The following SORD variants were observed in gnomAD, a reference collection of about 807,000 sequenced individuals.
SORD encodes (R,R)-butanediol dehydrogenase.
Under a neutral mutation model 35.6 loss-of-function variants are expected in SORD, and 18 were observed. The ratio of observed to expected loss-of-function variants is 0.51; its 90% confidence interval spans 0.35 to 0.75. The LOEUF (loss-of-function observed/expected upper bound fraction) is 0.75, where lower values mean the gene tolerates loss of function less well. Ranked by LOEUF, SORD falls within the 30% of genes least tolerant of loss-of-function variation. The pLI is 0.01. For missense variants in SORD, 250 were observed against 390.2 expected, an observed-to-expected ratio of 0.64 and a Z score of 3.03; for synonymous variants, 106 against 152.9, an observed-to-expected ratio of 0.69 and a Z score of 2.26.
intron 3 of SORD, among the ~76,000 whole-genome samples, chr15:45,060,263 G>A (rs1448499899): frequency 2.0e-5 from 3 of 152,188 alleles, no homozygotes; most frequent in Admixed American, 6.5e-5. Context: ...ATAGCTAGAT[G>A]TTCCTTGAAG....
At chr15:45,031,050 C>G (rs796600517) in intron 1 of SORD, among the ~76,000 whole-genome samples, 31,107 of 150,586 alleles carry the variant, frequency 0.21, 5 homozygotes, top group African/African-American at 0.44. Context: ...GTCGGGGCAG[C>G]CATGGTGGTT....
At chr15:45,028,463 C>CCAGA (rs72516447) in intron 1 of SORD, among the ~76,000 whole-genome samples, 29,456 of 147,368 alleles carry the variant, frequency 0.2, no homozygotes, top group African/African-American at 0.44. Flanking sequence ...GCTGGCTCTT[C>CCAGA]CTTCAGGCAG....
intron 3 of SORD, among the ~76,000 whole-genome samples, chr15:45,060,175 C>T (rs1261458423): frequency 4.0e-5 from 6 of 151,866 alleles, no homozygotes; most frequent in East Asian, 1.9e-4. Context: ...TGAAGTGCAT[C>T]GGAAAAGAAG....
At chr15:45,061,565 C>T (rs532765828) in intron 4 of SORD, among the ~76,000 whole-genome samples, 12 of 150,784 alleles carry the variant, frequency 8.0e-5, no homozygotes, top group Admixed American at 2.6e-4. Context: ...CCACCAGAAA[C>T]GTCATAACAA....
At chr15:45,060,785 C>T (rs1295508438) in intron 3 of SORD, among the ~76,000 whole-genome samples, 1 of 152,126 alleles carries the variant, frequency 6.6e-6, no homozygotes, top group African/African-American at 2.4e-5. Flanking sequence ...AAGGGCAGGC[C>T]ACACTGGGCT....
At chr15:45,023,457 T>A in intron 1 of SORD, 108 bp downstream of exon 1, 1 of 1,010,084 alleles carries the variant, frequency 9.9e-7, no homozygotes, top group Non-Finnish European at 1.3e-6. Flanking sequence ...CCCCGCACCT[T>A]AAGCGCCCTG....
intron 3 of SORD, among the ~76,000 whole-genome samples, chr15:45,044,376 C>T (rs141957128): frequency 0.017 from 2,496 of 146,060 alleles, 51 homozygotes; most frequent in South Asian, 0.069. Flanking sequence ...GCCACGAGCC[C>T]TGAGGGATAT....
In SORD at chr15:45,068,960, A is replaced by T; in HGVS notation, c.694A>T (p.Ile232Phe). ...GATCTCCAAGGAGAGCCCTCAGGAA[A>T]TCGCCAGGAAAGTAGAAGGTCAGCT... ...LQISKESPQE[I>F]ARKVEGQLGC... Residue 232 changes from isoleucine (I) to phenylalanine (F), a missense_variant, in exon 7 of 9, where the codon ATC becomes TTC. Ile to Phe is a conservative substitution (Grantham distance 21). Transcript: ENST00000267814. 1 of 1,602,432 alleles carries T rather than the reference A, an allele frequency of 6.2e-7. No homozygotes were observed. Among genetic ancestry groups the T allele is most frequent in the Non-Finnish European group, 8.5e-7 (1 of 1,175,880 alleles).
chr15:45,044,030 G>C (rs1197683848), intron 3 of SORD, among the ~76,000 whole-genome samples: 1 of 152,258 alleles, frequency 6.6e-6, no homozygotes, highest in African/African-American at 2.4e-5. Context: ...GTTATTTGGG[G>C]GAAGGTGGAG....
chr15:45,060,827 A>G (rs1222795094), intron 3 of SORD, among the ~76,000 whole-genome samples: 1 of 152,116 alleles, frequency 6.6e-6, no homozygotes, highest in Non-Finnish European at 1.5e-5. Context: ...TTTCCCCCAG[A>G]GTGACTCTGT....
At chr15:45,053,518 T>G (rs1893161878) in intron 3 of SORD, among the ~76,000 whole-genome samples, 1 of 152,216 alleles carries the variant, frequency 6.6e-6, no homozygotes, top group African/African-American at 2.4e-5. Context: ...TTTTTCTGCC[T>G]CATTCTAAAA....
intron 3 of SORD, among the ~76,000 whole-genome samples, chr15:45,050,842 G>C (rs1004573038): frequency 2.6e-5 from 4 of 152,180 alleles, no homozygotes; most frequent in Non-Finnish European, 4.4e-5. Context: ...GCTGTAGATA[G>C]CTCAAAAGAA....
intron 3 of SORD, among the ~76,000 whole-genome samples, chr15:45,056,443 C>A (rs369639607): frequency 6.6e-6 from 1 of 152,118 alleles, no homozygotes; most frequent in Admixed American, 6.6e-5. Flanking sequence ...CGTGAAGGAC[C>A]TCTTCAAGGA....
chr15:45,031,727 G>A (rs1892789569), intron 1 of SORD, among the ~76,000 whole-genome samples: 1 of 150,910 alleles, frequency 6.6e-6, no homozygotes, highest in South Asian at 2.1e-4. Context: ...AAAGTGCTGG[G>A]ATCACCGGTG....
At position 45,069,194 on chromosome 15, in the gene SORD, CT is replaced by C. The variant is rs752540495; in HGVS notation, c.786+172del. On this transcript the variant is annotated intron_variant, in intron 7 of 8. Coordinates refer to ENST00000267814, the MANE Select transcript of SORD (RefSeq NM_003104.6). ...CTTTTGCCATCTATGTTTTCTTTTT[CT>C]TTTTTTTTTTTTTTTTTTTTTTTTT... The C allele has an allele frequency of 4.5e-3, 524 of 116,882 alleles. 4 individuals are homozygous for C. The highest frequency in any genetic ancestry group is 0.015 in the South Asian group (43 of 2,816). 7.2% of individuals were successfully genotyped at this position (116,882 alleles called of 1,614,324 possible).
At chr15:45,061,355 G>C in intron 4 of SORD, 129 bp downstream of exon 4, 1 of 995,012 alleles carries the variant, frequency 1.0e-6, no homozygotes, top group East Asian at 2.5e-5. Context: ...ACCTGGACAG[G>C]CTACTCTTCT....
At chr15:45,032,455 T>C (rs113626372) in intron 1 of SORD, among the ~76,000 whole-genome samples, 6,378 of 151,982 alleles carry the variant, frequency 0.042, 173 homozygotes, top group South Asian at 0.12. Flanking sequence ...CAAACCTAAG[T>C]GTCTCGTAAT....
intron 3 of SORD, among the ~76,000 whole-genome samples, chr15:45,052,697 C>A (rs1893144538): frequency 6.6e-6 from 1 of 152,162 alleles, no homozygotes; most frequent in Non-Finnish European, 1.5e-5. Flanking sequence ...TCAGCCTTGC[C>A]ACTGCTGCCC....
At chr15:45,042,719 A>G (rs1157533915) in intron 2 of SORD, among the ~76,000 whole-genome samples, 4 of 151,624 alleles carry the variant, frequency 2.6e-5, no homozygotes, top group Non-Finnish European at 5.9e-5. Flanking sequence ...ATTTCATCCT[A>G]CTAATGATAT....
Sources: allele counts gnomAD v4.1 joint callset (sites outside exome capture counted in the v4.1 genomes callset), GRCh38; gene constraint gnomAD v4.1.1; transcripts MANE v1.5; gene names NCBI Gene and HGNC (gene_info 2026-07-23, HGNC 2026-07-21).